NFYC: variants seen among roughly 807,000 people sequenced by gnomAD.
The protein encoded by NFYC is nuclear transcription factor Y subunit gamma.
In NFYC, 25 loss-of-function variants were observed where a neutral mutation model predicts 53.1. The observed-to-expected ratio is 0.47, with a 90% CI of 0.34 to 0.66. The LOEUF (loss-of-function observed/expected upper bound fraction) is 0.66. Among genes scored for constraint, NFYC ranks in the 30% least tolerant of loss-of-function variants. NFYC has a pLI of 0.01. For synonymous variants in NFYC, 145 were observed against 152.6 expected (o/e 0.95, Z 0.37); for missense variants, 260 against 422.7 (o/e 0.62, Z 3.38).
intron 2 of NFYC, among the ~76,000 whole-genome samples, chr1:40,744,954 A>T (rs967513197): frequency 9.2e-5 from 14 of 152,324 alleles, no homozygotes; most frequent in Admixed American, 8.5e-4. Context: ...AACAGGGATG[A>T]ACCATACACA....
At chr1:40,698,847 A>G (rs745814883) in intron 1 of NFYC, among the ~76,000 whole-genome samples, 1 of 152,150 alleles carries the variant, frequency 6.6e-6, no homozygotes, top group Non-Finnish European at 1.5e-5. Flanking sequence ...GATCTTGAGC[A>G]GTGTTTCAAA....
intron 1 of NFYC, among the ~76,000 whole-genome samples, chr1:40,708,347 C>CAAGT (rs1336621786): frequency 6.6e-6 from 1 of 152,136 alleles, no homozygotes; most frequent in Non-Finnish European, 1.5e-5. Flanking sequence ...TGGGAATGTG[C>CAAGT]AAGTGTTTTA....
At position 40,753,113 on chromosome 1, in the gene NFYC, C is replaced by T; in HGVS notation, c.292-38C>T. 2.0e-6 allele frequency: 3 copies of T among 1,500,586 alleles called. 1 individual carries two copies. In the South Asian group the frequency reaches 3.4e-5, roughly 17 times the overall value. The allele number at this position is 1,500,586 out of a possible 1,614,324, so 93.0% of individuals were successfully genotyped here. On this transcript the variant is annotated intron_variant, in intron 4 of 9. Transcript: ENST00000447388. ...ATAAAGCCAAGTGAACTAGTTTCTC[C>T]CCAGGCTAATTTTTCACACCGCTCT... is the stretch of plus-strand genomic sequence containing the variant.
At chr1:40,764,620 C>T (rs939228370) in intron 7 of NFYC, among the ~76,000 whole-genome samples, 23 of 152,348 alleles carry the variant, frequency 1.5e-4, no homozygotes, top group Middle Eastern at 3.4e-3. Context: ...GCAGAATTCA[C>T]TACTTCATCT....
At chr1:40,706,664 AT>A (rs1366573014) in intron 1 of NFYC, among the ~76,000 whole-genome samples, 3 of 152,218 alleles carry the variant, frequency 2.0e-5, no homozygotes, top group East Asian at 1.9e-4. Flanking sequence ...CTAAAAAAAA[AT>A]AATGAAAAGA....
intron 2 of NFYC, among the ~76,000 whole-genome samples, chr1:40,746,598 T>G (rs547498074): frequency 7.8e-4 from 119 of 152,328 alleles, no homozygotes; most frequent in East Asian, 2.7e-3. Context: ...ATTTGACACC[T>G]AGTCCCAGTA....
At chr1:40,692,218 G>C (rs1642854715) in intron 1 of NFYC, 1 of 160,172 alleles carries the variant, frequency 6.2e-6, no homozygotes. Flanking sequence ...AGGAATCTGA[G>C]GCTGCGGGGA....
intron 8 of NFYC, 27 bp from the exon 9 acceptor site, chr1:40,769,329 C>A: frequency 6.2e-7 from 1 of 1,612,598 alleles, no homozygotes; most frequent in African/African-American, 1.3e-5. Context: ...AGCTGACATA[C>A]CAACTCTACC....
chr1:40,758,280 C>A lies in NFYC; in HGVS notation c.547C>A (p.Pro183Thr). 1 of 1,611,528 alleles carries A rather than the reference C, an allele frequency of 6.2e-7. No individual in the cohort carries two copies. Among genetic ancestry groups the A allele is most frequent in the Non-Finnish European group, 8.5e-7 (1 of 1,178,632 alleles). The stretch of plus-strand genomic sequence containing the variant: ...GCCTGGGCAGATCATCATCGCACAG[C>A]CTCAGCAGGGCCAGGTCTGTGAGCT... ...IQPGQIIIAQ[P>T]QQGQTTPVTM... is the part of the protein sequence containing the mutation. The change falls in exon 6 of 10, where the codon CCT becomes ACT. Residue 183 changes from proline to threonine, a missense_variant. Physicochemically the swap from Pro to Thr is conservative, Grantham distance 38 (BLOSUM62 -1). Coordinates refer to ENST00000447388, the MANE Select transcript of NFYC (RefSeq NM_014223.5).
At chr1:40,709,610 G>C (rs544583941) in intron 1 of NFYC, 1 of 152,306 alleles carries the variant, frequency 6.6e-6, no homozygotes, top group African/African-American at 2.4e-5. Flanking sequence ...AATTAATGCA[G>C]TTCCCGGTAA....
intron 2 of NFYC, among the ~76,000 whole-genome samples, chr1:40,745,809 G>A (rs544686446): frequency 3.3e-5 from 5 of 152,158 alleles, no homozygotes; most frequent in Admixed American, 6.5e-5. Context: ...GGATTATAAT[G>A]TTTTTATGTG....
chr1:40,716,417 CT>C (rs1431747748), intron 1 of NFYC, among the ~76,000 whole-genome samples: 1 of 152,134 alleles, frequency 6.6e-6, no homozygotes. Context: ...AAATGGTCAA[CT>C]GCTTAGAGCA....
intron 2 of NFYC, among the ~76,000 whole-genome samples, chr1:40,745,296 C>T (rs2148651543): frequency 6.6e-6 from 1 of 152,312 alleles, no homozygotes; most frequent in East Asian, 1.9e-4. Context: ...AACAAGAGCA[C>T]ACTTGCAAGA....
intron 1 of NFYC, among the ~76,000 whole-genome samples, chr1:40,704,855 T>C (rs1643617544): frequency 6.6e-6 from 1 of 152,186 alleles, no homozygotes; most frequent in Non-Finnish European, 1.5e-5. Flanking sequence ...CATACTGTCC[T>C]TTATGGCTAA....
chr1:40,704,482 C>A (rs1357439830), intron 1 of NFYC, among the ~76,000 whole-genome samples: 3 of 152,154 alleles, frequency 2.0e-5, no homozygotes, highest in Admixed American at 6.6e-5. Flanking sequence ...CTGTTAGGTT[C>A]TCAGTCCACA....
intron 1 of NFYC, among the ~76,000 whole-genome samples, chr1:40,715,771 T>C (rs1442426085): frequency 6.6e-6 from 1 of 152,002 alleles, no homozygotes; most frequent in African/African-American, 2.4e-5. Flanking sequence ...AATCGAAGGA[T>C]AAGGAATGAA....
At chr1:40,769,073 A>C in intron 8 of NFYC, 1 of 362,910 alleles carries the variant, frequency 2.8e-6, no homozygotes, top group African/African-American at 2.1e-5. Flanking sequence ...AGAGTTTGAG[A>C]TGAGTGGGTG....
intron 2 of NFYC, among the ~76,000 whole-genome samples, chr1:40,741,478 A>T (rs1198692947): frequency 6.6e-6 from 1 of 152,190 alleles, no homozygotes; most frequent in Non-Finnish European, 1.5e-5. Context: ...CAATAGCTTT[A>T]TCAGGATGTA....
intron 5 of NFYC, chr1:40,754,272 T>C: frequency 1.9e-6 from 1 of 533,256 alleles, no homozygotes; most frequent in East Asian, 5.5e-5. Flanking sequence ...ATTCTGACCC[T>C]GCATGAGGGC....
Sources: allele counts gnomAD v4.1 joint callset (sites outside exome capture counted in the v4.1 genomes callset), GRCh38; gene constraint gnomAD v4.1.1; transcripts MANE v1.5; gene names NCBI Gene and HGNC (gene_info 2026-07-23, HGNC 2026-07-21).